The following CHODL variants were observed in gnomAD, a reference collection of about 807,000 sequenced individuals.
CHODL encodes the protein chondrolectin.
In CHODL, 29 loss-of-function variants were observed where a neutral mutation model predicts 34.5. That is an observed-to-expected ratio of 0.84 (90% confidence interval 0.63 to 1.15). The LOEUF (loss-of-function observed/expected upper bound fraction) is 1.15. Among genes scored for constraint, CHODL ranks in the 50% most tolerant of loss-of-function variants. CHODL has a pLI of 0.00. For missense variants in CHODL, 332 were observed against 332.5 expected, an observed-to-expected ratio of 1.00 and a Z score of 0.01; for synonymous variants, 125 against 116.1, an observed-to-expected ratio of 1.08 and a Z score of -0.49.
chr21:17,997,318 C>G (rs2063859356), intron 1 of CHODL, among the ~76,000 whole-genome samples: 1 of 152,234 alleles, frequency 6.6e-6, no homozygotes, highest in African/African-American at 2.4e-5. Context: ...TTCCTCCTCA[C>G]TTTGGCTTCT....
intron 2 of CHODL, among the ~76,000 whole-genome samples, chr21:18,033,621 A>G (rs2064273917): frequency 6.6e-6 from 1 of 152,046 alleles, no homozygotes; most frequent in Admixed American, 6.6e-5. Flanking sequence ...GTTTACACCC[A>G]GCAGCAGAAA....
intron 2 of CHODL, among the ~76,000 whole-genome samples, chr21:18,209,521 G>A (rs771724028): frequency 8.5e-5 from 13 of 152,094 alleles, no homozygotes; most frequent in Non-Finnish European, 1.2e-4. Flanking sequence ...TTTACCCCAC[G>A]TGGCTGAGCT....
intron 1 of CHODL, among the ~76,000 whole-genome samples, chr21:17,927,525 A>G (rs1351871398): frequency 6.6e-6 from 1 of 152,208 alleles, no homozygotes; most frequent in African/African-American, 2.4e-5. Context: ...AGAAGGCTGG[A>G]AGATTTTCAA....
intron 2 of CHODL, among the ~76,000 whole-genome samples, chr21:18,042,422 A>G (rs536824205): frequency 1.3e-5 from 2 of 152,058 alleles, no homozygotes; most frequent in South Asian, 4.2e-4. Flanking sequence ...TCCAGGTACA[A>G]TAGAATTATA....
chr21:18,206,279 A>T (rs1458461049), intron 2 of CHODL, among the ~76,000 whole-genome samples: 1 of 152,192 alleles, frequency 6.6e-6, no homozygotes, highest in Admixed American at 6.5e-5. Flanking sequence ...CTCTCTCATT[A>T]GCTTTAATAA....
chr21:18,148,078 A>T (rs955152530), intron 2 of CHODL, among the ~76,000 whole-genome samples: 1 of 152,212 alleles, frequency 6.6e-6, no homozygotes, highest in Non-Finnish European at 1.5e-5. Context: ...AGAGGATGTG[A>T]CTATATCACA....
intron 2 of CHODL, among the ~76,000 whole-genome samples, chr21:18,055,104 G>A (rs543405428): frequency 3.3e-5 from 5 of 151,944 alleles, no homozygotes; most frequent in African/African-American, 1.2e-4. Context: ...ACTGATTGTG[G>A]CATCTCTCCT....
intron 2 of CHODL, among the ~76,000 whole-genome samples, chr21:18,085,984 CAAT>C (rs1486522700): frequency 7.1e-6 from 1 of 141,134 alleles, no homozygotes; most frequent in Non-Finnish European, 1.5e-5. Context: ...TAGGGAATAT[CAAT>C]AATTTGTAAC....
At chr21:17,945,209 T>TAAAA (rs71189571) in intron 1 of CHODL, among the ~76,000 whole-genome samples, 2,128 of 139,820 alleles carry the variant, frequency 0.015, 22 homozygotes, top group Non-Finnish European at 0.018. Flanking sequence ...GAGACTCTGT[T>TAAAA]AAAAAAAAAA....
intron 2 of CHODL, among the ~76,000 whole-genome samples, chr21:18,164,266 T>C (rs1211647264): frequency 1.3e-5 from 2 of 152,192 alleles, no homozygotes; most frequent in African/African-American, 2.4e-5. Context: ...TAAATTCATA[T>C]CTTCAGGAGG....
At chr21:17,923,587 G>A (rs1236405595) in intron 1 of CHODL, among the ~76,000 whole-genome samples, 1 of 151,530 alleles carries the variant, frequency 6.6e-6, no homozygotes, top group Non-Finnish European at 1.5e-5. Context: ...TCAGCCTCTG[G>A]AGTAGCTGGG....
At chr21:17,966,371 A>C (rs2063572051) in intron 1 of CHODL, among the ~76,000 whole-genome samples, 1 of 152,250 alleles carries the variant, frequency 6.6e-6, no homozygotes. Context: ...ATTACTAAGA[A>C]AACAGAAATT....
At chr21:17,957,164 A>G (rs2063498976) in intron 1 of CHODL, among the ~76,000 whole-genome samples, 2 of 152,162 alleles carry the variant, frequency 1.3e-5, no homozygotes, top group African/African-American at 4.8e-5. Flanking sequence ...ATCAATCATT[A>G]TGCTTTATCA....
intron 2 of CHODL, among the ~76,000 whole-genome samples, chr21:18,154,624 G>T (rs1280897516): frequency 1.3e-5 from 2 of 152,036 alleles, no homozygotes; most frequent in African/African-American, 4.8e-5. Flanking sequence ...TCCATCTGCC[G>T]TCCTAAATTC....
At chr21:18,188,352 A>G (rs2073468785) in intron 2 of CHODL, among the ~76,000 whole-genome samples, 2 of 152,280 alleles carry the variant, frequency 1.3e-5, no homozygotes, top group African/African-American at 4.8e-5. Context: ...AAATGCATAT[A>G]CCTATTTGAT....
chr21:17,980,736 T>C (rs553400269), intron 1 of CHODL, among the ~76,000 whole-genome samples: 1 of 152,184 alleles, frequency 6.6e-6, no homozygotes, highest in Admixed American at 6.5e-5. Context: ...TTCTGAGGAG[T>C]CTGCCTCCCT....
intron 2 of CHODL, among the ~76,000 whole-genome samples, chr21:18,066,759 A>T (rs1398744368): frequency 6.6e-6 from 1 of 152,184 alleles, no homozygotes; most frequent in Non-Finnish European, 1.5e-5. Flanking sequence ...AATTAAATTG[A>T]AATGAGGCTT....
intron 1 of CHODL, among the ~76,000 whole-genome samples, chr21:17,970,911 G>A (rs1189604095): frequency 1.3e-5 from 2 of 152,030 alleles, no homozygotes; most frequent in Non-Finnish European, 2.9e-5. Flanking sequence ...AGGCCCTGGT[G>A]TGTGATGTTT....
At chr21:18,116,940 G>C (rs1280118246) in intron 2 of CHODL, among the ~76,000 whole-genome samples, 2 of 152,176 alleles carry the variant, frequency 1.3e-5, no homozygotes, top group Admixed American at 1.3e-4. Flanking sequence ...GCCAGGCCAG[G>C]TTACTCCATT....
Sources: gnomAD v4.1 joint callset for allele counts (sites outside exome capture counted in the v4.1 genomes callset) on GRCh38, gnomAD v4.1.1 for gene constraint, MANE v1.5 for transcripts, NCBI Gene and HGNC (gene_info 2026-07-23, HGNC 2026-07-21) for gene names.